The following SLC25A13 variants were observed in gnomAD, a reference collection of about 807,000 sequenced individuals.
SLC25A13 encodes the protein electrogenic aspartate/glutamate antiporter SLC25A13, mitochondrial.
Under a neutral mutation model 85.5 loss-of-function variants are expected in SLC25A13, and 70 were observed. The observed-to-expected ratio is 0.82, with a 90% CI of 0.68 to 1.00. SLC25A13 has a LOEUF of 1.00. Among genes scored for constraint, SLC25A13 ranks in the 50% least tolerant of loss-of-function variants. SLC25A13 has a pLI of 0.00. For synonymous variants in SLC25A13, 259 were observed against 288.7 expected, an observed-to-expected ratio of 0.90 and a Z score of 1.04; for missense variants, 765 against 819.8, an observed-to-expected ratio of 0.93 and a Z score of 0.82.
intron 15 of SLC25A13, among the ~76,000 whole-genome samples, chr7:96,123,783 T>C (rs59082156): frequency 0.11 from 16,640 of 152,150 alleles, 2,984 homozygotes; most frequent in African/African-American, 0.38. Context: ...AAAGCAAGGC[T>C]GGGAAAGCAG....
intron 13 of SLC25A13, among the ~76,000 whole-genome samples, chr7:96,158,022 G>T (rs750891451): frequency 7.9e-5 from 12 of 152,114 alleles, no homozygotes; most frequent in Non-Finnish European, 1.8e-4. Context: ...AAGGCTGTCT[G>T]CTCATTTTCA....
At chr7:96,217,099 T>C (rs1225630559) in intron 4 of SLC25A13, among the ~76,000 whole-genome samples, 2 of 152,044 alleles carry the variant, frequency 1.3e-5, no homozygotes, top group Non-Finnish European at 2.9e-5. Context: ...AGAGACAGCA[T>C]AAAATTGCCA....
intron 11 of SLC25A13, among the ~76,000 whole-genome samples, chr7:96,174,886 A>G (rs1296486286): frequency 1.3e-5 from 2 of 152,234 alleles, no homozygotes; most frequent in Non-Finnish European, 2.9e-5. Flanking sequence ...GAAGGCAACA[A>G]GTAGCTATTT....
chr7:96,197,544 T>C (rs937045166), intron 5 of SLC25A13, among the ~76,000 whole-genome samples: 2 of 152,146 alleles, frequency 1.3e-5, no homozygotes, highest in African/African-American at 2.4e-5. Flanking sequence ...GTCTTTGAAA[T>C]AAATGACTAG....
intron 4 of SLC25A13, among the ~76,000 whole-genome samples, chr7:96,233,078 T>C (rs1305965733): frequency 6.6e-6 from 1 of 152,218 alleles, no homozygotes; most frequent in Non-Finnish European, 1.5e-5. Flanking sequence ...GAAGGGAAGA[T>C]GGATCTATAT....
chr7:96,137,627 C>T (rs575642970), intron 14 of SLC25A13, among the ~76,000 whole-genome samples: 3 of 152,190 alleles, frequency 2.0e-5, no homozygotes, highest in East Asian at 1.9e-4. Context: ...AAAACATGTT[C>T]CACCTTTTCT....
chr7:96,122,019 A>C (rs574799647), intron 15 of SLC25A13, 22 bp from the exon 16 acceptor site: 1 of 1,613,912 alleles, frequency 6.2e-7, no homozygotes, highest in African/African-American at 1.3e-5. Context: ...ACACAACACC[A>C]TCTCAGTCTG....
chr7:96,170,972 T>C (rs933608178), intron 12 of SLC25A13, among the ~76,000 whole-genome samples: 2 of 152,236 alleles, frequency 1.3e-5, no homozygotes, highest in Admixed American at 6.5e-5. Context: ...TTTGGCTTTA[T>C]AGAACACACC....
chr7:96,219,738 G>A, intron 4 of SLC25A13: 1 of 534,384 alleles, frequency 1.9e-6, no homozygotes, highest in Non-Finnish European at 3.8e-6. Flanking sequence ...AGAACCCATG[G>A]TCTACCTCAT....
chr7:96,282,844 A>C (rs992672752), intron 2 of SLC25A13, among the ~76,000 whole-genome samples: 1 of 152,208 alleles, frequency 6.6e-6, no homozygotes, highest in African/African-American at 2.4e-5. Context: ...AGAAACATAA[A>C]TGGCCAATAA....
chr7:96,250,109 C>T (rs1302163518), intron 3 of SLC25A13, among the ~76,000 whole-genome samples: 1 of 152,064 alleles, frequency 6.6e-6, no homozygotes, highest in East Asian at 1.9e-4. Context: ...ATTGTTTGAA[C>T]CCAGGAGGCG....
chr7:96,283,973 G>A (rs1798792052), intron 2 of SLC25A13, among the ~76,000 whole-genome samples: 1 of 152,012 alleles, frequency 6.6e-6, no homozygotes, highest in African/African-American at 2.4e-5. Context: ...ACCAAAAGAT[G>A]TGAGGTAACT....
At chr7:96,258,784 TGG>T (rs1420656252) in intron 3 of SLC25A13, among the ~76,000 whole-genome samples, 2 of 152,186 alleles carry the variant, frequency 1.3e-5, no homozygotes, top group African/African-American at 4.8e-5. Flanking sequence ...AGAACAAAGC[TGG>T]AGGCATCATG....
intron 4 of SLC25A13, among the ~76,000 whole-genome samples, chr7:96,212,410 C>T (rs944482779): frequency 6.6e-6 from 1 of 152,174 alleles, no homozygotes; most frequent in African/African-American, 2.4e-5. Context: ...AATAATTCAA[C>T]AGCAGATTCA....
chr7:96,257,259 A>C (rs1797673862), intron 3 of SLC25A13, among the ~76,000 whole-genome samples: 1 of 152,220 alleles, frequency 6.6e-6, no homozygotes. Flanking sequence ...CTTCAAAAAA[A>C]ATCAATGAAT....
intron 3 of SLC25A13, among the ~76,000 whole-genome samples, chr7:96,239,458 A>C (rs1796880845): frequency 6.6e-6 from 1 of 152,058 alleles, no homozygotes; most frequent in South Asian, 2.1e-4. Context: ...AAGTTACAAC[A>C]AAGAATTCAA....
intron 5 of SLC25A13, among the ~76,000 whole-genome samples, chr7:96,197,730 C>CAT (rs1367518368): frequency 2.0e-5 from 3 of 152,052 alleles, no homozygotes; most frequent in African/African-American, 7.2e-5. Context: ...TGAAATATAG[C>CAT]ATATACAAAA....
intron 1 of SLC25A13, chr7:96,309,741 C>A (rs773412905): frequency 3.3e-5 from 5 of 152,156 alleles, no homozygotes; most frequent in Admixed American, 6.5e-5. Context: ...CCCTTCAGAA[C>A]CTTGACATCA....
At chr7:96,195,459 G>A (rs780873843) in intron 5 of SLC25A13, among the ~76,000 whole-genome samples, 1 of 152,170 alleles carries the variant, frequency 6.6e-6, no homozygotes, top group Non-Finnish European at 1.5e-5. Context: ...ATCACTGAGA[G>A]TCAGTGGTTC....
Sources: gnomAD v4.1 joint callset for allele counts (sites outside exome capture counted in the v4.1 genomes callset) on GRCh38, gnomAD v4.1.1 for gene constraint, MANE v1.5 for transcripts, NCBI Gene and HGNC (gene_info 2026-07-23, HGNC 2026-07-21) for gene names.